The following WWOX variants were observed in gnomAD, a reference collection of about 807,000 sequenced individuals.
WWOX encodes WW domain containing oxidoreductase.
A neutral mutation model predicts 46.2 loss-of-function variants in WWOX; 69 were observed. The ratio of observed to expected loss-of-function variants is 1.49; its 90% CI spans 1.23 to 1.82. The LOEUF (loss-of-function observed/expected upper bound fraction) is 1.82. WWOX is among the 40% of genes most tolerant of loss of function. The pLI, the probability that WWOX is intolerant of heterozygous loss-of-function variation, is 0.00. For synonymous variants in WWOX, 359 were observed against 202.6 expected, an observed-to-expected ratio of 1.77 and a Z score of -6.56; for missense variants, 919 against 542.6, an observed-to-expected ratio of 1.69 and a Z score of -6.89.
intron 8 of WWOX, among the ~76,000 whole-genome samples, chr16:79,207,067 C>T (rs1302418321): frequency 1.3e-5 from 2 of 152,252 alleles, no homozygotes; most frequent in East Asian, 1.9e-4. Flanking sequence ...ATAGCCTCTC[C>T]TGGGGGAGTG....
chr16:78,218,251 G>A (rs1307653032), intron 5 of WWOX, among the ~76,000 whole-genome samples: 2 of 151,954 alleles, frequency 1.3e-5, no homozygotes, highest in Non-Finnish European at 2.9e-5. Context: ...ATGTGCATGT[G>A]TGTTTATATA....
chr16:79,112,110 C>T (rs968376268), intron 8 of WWOX, among the ~76,000 whole-genome samples: 1 of 152,208 alleles, frequency 6.6e-6, no homozygotes, highest in South Asian at 2.1e-4. Context: ...TCTTCTCTCT[C>T]TCCCTCCTTC....
chr16:78,207,780 G>A (rs1003961284), intron 5 of WWOX, among the ~76,000 whole-genome samples: 3 of 147,758 alleles, frequency 2.0e-5, no homozygotes, highest in African/African-American at 7.4e-5. Flanking sequence ...AAAAAAAAAA[G>A]GGTCTGTTAT....
intron 8 of WWOX, among the ~76,000 whole-genome samples, chr16:78,940,272 C>A (rs545672691): frequency 2.6e-5 from 4 of 152,178 alleles, no homozygotes; most frequent in East Asian, 3.9e-4. Flanking sequence ...TATTAAATAA[C>A]CTCTGTGGTA....
intron 8 of WWOX, among the ~76,000 whole-genome samples, chr16:79,069,288 G>C (rs2048503810): frequency 6.6e-6 from 1 of 152,314 alleles, no homozygotes; most frequent in South Asian, 2.1e-4. Flanking sequence ...TACGCACTCA[G>C]CGAAGGCCGT....
At chr16:78,688,705 G>T (rs7189393) in intron 8 of WWOX, among the ~76,000 whole-genome samples, 2,668 of 152,244 alleles carry the variant, frequency 0.018, 85 homozygotes, top group African/African-American at 0.061. Flanking sequence ...GATTGAGGGA[G>T]AGTGCTCCTG....
chr16:78,532,028 C>T (rs1243389344), intron 8 of WWOX, among the ~76,000 whole-genome samples: 2 of 150,246 alleles, frequency 1.3e-5, no homozygotes, highest in African/African-American at 2.4e-5. Context: ...GAGACAGGAT[C>T]TGTAGGTCAG....
chr16:78,807,376 C>G (rs1389122737), intron 8 of WWOX, among the ~76,000 whole-genome samples: 2 of 152,196 alleles, frequency 1.3e-5, no homozygotes, highest in East Asian at 3.8e-4. Context: ...AGAAGTAAAA[C>G]TATTCTTGTT....
At chr16:78,905,409 T>C (rs893558209) in intron 8 of WWOX, among the ~76,000 whole-genome samples, 10 of 152,168 alleles carry the variant, frequency 6.6e-5, no homozygotes, top group Non-Finnish European at 1.5e-4. Context: ...TGGACAGGCT[T>C]TCACTCTGTC....
At chr16:79,169,607 C>A (rs2050661324) in intron 8 of WWOX, among the ~76,000 whole-genome samples, 2 of 152,170 alleles carry the variant, frequency 1.3e-5, no homozygotes, top group Non-Finnish European at 2.9e-5. Flanking sequence ...CTTCCTGCTT[C>A]ACACAAATAG....
chr16:79,167,130 C>T lies in WWOX; in HGVS notation c.1057-44478C>T, dbSNP rs146703074. On this transcript the variant is annotated intron_variant, in intron 8 of 8. Transcript: ENST00000566780. The stretch of plus-strand genomic sequence containing the variant: ...TAATTTTTTTGTATTTTATTAGAGA[C>T]GGGGTTTTGCCATGTTGGCCAAGCT... 2.8e-3 allele frequency among the ~76,000 whole-genome samples: 430 copies of T among 152,112 alleles called. 3 individuals carry two copies. Among genetic ancestry groups the T allele is most frequent in the African/African-American group, 8.5e-3 (353 of 41,508 alleles).
intron 8 of WWOX, among the ~76,000 whole-genome samples, chr16:78,940,720 C>A (rs908766950): frequency 2.0e-5 from 3 of 151,304 alleles, no homozygotes; most frequent in African/African-American, 7.3e-5. Flanking sequence ...CATATCTACC[C>A]AGCGGGGTTA....
At chr16:79,178,255 C>CA in intron 8 of WWOX, among the ~76,000 whole-genome samples, 2 of 152,168 alleles carry the variant, frequency 1.3e-5, no homozygotes, top group South Asian at 4.1e-4. Context: ...TTACAAAAAA[C>CA]AAAAAACAGT....
chr16:78,354,961 G>T (rs35870646), intron 5 of WWOX, among the ~76,000 whole-genome samples: 1 of 151,926 alleles, frequency 6.6e-6, no homozygotes, highest in East Asian at 1.9e-4. Context: ...GTGAAGCTCT[G>T]TCTATCCTAA....
chr16:78,857,589 A>G (rs867601170), intron 8 of WWOX, among the ~76,000 whole-genome samples: 1 of 152,214 alleles, frequency 6.6e-6, no homozygotes, highest in Admixed American at 6.5e-5. Context: ...TAGTGACCTT[A>G]AACCAAATGT....
At chr16:79,024,874 G>A (rs1204980179) in intron 8 of WWOX, among the ~76,000 whole-genome samples, 2 of 152,186 alleles carry the variant, frequency 1.3e-5, no homozygotes, top group African/African-American at 4.8e-5. Context: ...CTGGCCGCTG[G>A]AAATACATTT....
intron 8 of WWOX, among the ~76,000 whole-genome samples, chr16:78,930,468 T>TC (rs2045599934): frequency 1.4e-5 from 2 of 139,570 alleles, no homozygotes; most frequent in Non-Finnish European, 3.2e-5. Context: ...TTTTTTTTTT[T>TC]TCTGTAGAGA....
At chr16:78,787,736 C>G (rs1305804790) in intron 8 of WWOX, among the ~76,000 whole-genome samples, 3 of 152,148 alleles carry the variant, frequency 2.0e-5, no homozygotes, top group East Asian at 1.9e-4. Flanking sequence ...TTCAGAGGAG[C>G]CACCAAATTG....
At chr16:78,477,368 TCTA>T (rs761807796) in intron 8 of WWOX, among the ~76,000 whole-genome samples, 3 of 152,102 alleles carry the variant, frequency 2.0e-5, no homozygotes, top group Non-Finnish European at 4.4e-5. Flanking sequence ...AGCCTGTGGT[TCTA>T]CTTTTTTTTT....
Sources: gnomAD v4.1 joint callset for allele counts (sites outside exome capture counted in the v4.1 genomes callset) on GRCh38, gnomAD v4.1.1 for gene constraint, MANE v1.5 for transcripts, NCBI Gene and HGNC (gene_info 2026-07-23, HGNC 2026-07-21) for gene names.